The following ASTN2 variants were observed in gnomAD, a reference collection of about 807,000 sequenced individuals.
The protein encoded by ASTN2 is astrotactin 2.
ASTN2 carries 54 observed loss-of-function variants against 139.8 expected under a neutral mutation model. That is an observed-to-expected ratio of 0.39 (90% CI 0.31 to 0.48). ASTN2 has a LOEUF of 0.48. ASTN2 is among the 20% of genes least tolerant of loss of function. The probability of loss-of-function intolerance (pLI) is 0.95; values close to 1 mark genes in which losing one functional copy is unlikely to be tolerated. For missense variants in ASTN2, 1,565 were observed against 1,725.1 expected, an observed-to-expected ratio of 0.91 and a Z score of 1.64; for synonymous variants, 756 against 719.5, an observed-to-expected ratio of 1.05 and a Z score of -0.81.
In ASTN2 at chr9:116,632,185, G is replaced by GGAGA. The variant is rs1554723278; in HGVS notation, c.3073-11746_3073-11743dup. The stretch of plus-strand genomic sequence containing the variant: ...GAGAGAGAGAGAGAGAGAGAGAGAG[G>GGAGA]GAGAGAGAGAGAAAGAAAGAAAAGA... On this transcript the variant is annotated intron_variant, in intron 17 of 22. Transcript: ENST00000313400. Among the ~76,000 whole-genome samples the GGAGA allele has an allele frequency of 5.1e-4, 25 of 48,696 alleles. 1 individual carries two copies. The highest frequency in any genetic ancestry group is 1.1e-3 in the Admixed American group (5 of 4,374). 31.9% of individuals were successfully genotyped at this position (48,696 alleles called of 152,430 possible). A position where few individuals can be genotyped will look rare whatever the true frequency, so the allele number is the denominator to read the frequency against.
chr9:116,425,824 T>C lies in ASTN2; in HGVS notation c.*27A>G. On this transcript the variant is annotated 3_prime_UTR_variant, in exon 23 of 23. Coordinates refer to ENST00000313400, the MANE Select transcript of ASTN2 (RefSeq NM_001365068.1). ...TGCTCCCCCTCCCATGGAGAGTCTCTGTGCTCACGGAGGGCAATACCCTCC... is the reference window on the plus strand; with the variant it reads ...TGCTCCCCCTCCCATGGAGAGTCTCCGTGCTCACGGAGGGCAATACCCTCC... The C allele has an allele frequency of 1.2e-6, 2 of 1,612,808 alleles. No individual in the cohort carries two copies. Among genetic ancestry groups the C allele is most frequent in the East Asian group, 4.5e-5 (2 of 44,770 alleles).
chr9:116,824,327 G>A (rs1411550888), intron 11 of ASTN2, among the ~76,000 whole-genome samples: 1 of 152,178 alleles, frequency 6.6e-6, no homozygotes, highest in Non-Finnish European at 1.5e-5. Context: ...GGCAGAAGAG[G>A]AGGTATGTGG....
chr9:117,093,049 A>G (rs1327127031), intron 5 of ASTN2, among the ~76,000 whole-genome samples: 1 of 152,216 alleles, frequency 6.6e-6, no homozygotes, highest in African/African-American at 2.4e-5. Flanking sequence ...GTATATCCCA[A>G]TAACAGGAGA....
intron 1 of ASTN2, among the ~76,000 whole-genome samples, chr9:117,302,361 G>A (rs1587928268): frequency 6.6e-6 from 1 of 152,118 alleles, no homozygotes; most frequent in East Asian, 1.9e-4. Context: ...GTAGCAACTT[G>A]CCTTAAATCA....
intron 14 of ASTN2, among the ~76,000 whole-genome samples, chr9:116,729,741 T>C (rs1183383925): frequency 6.6e-6 from 1 of 152,244 alleles, no homozygotes; most frequent in Admixed American, 6.5e-5. Flanking sequence ...ATGTAAAATA[T>C]ACGTATACAG....
chr9:116,650,015 C>T (rs1857821123), intron 17 of ASTN2, among the ~76,000 whole-genome samples: 1 of 152,186 alleles, frequency 6.6e-6, no homozygotes, highest in Non-Finnish European at 1.5e-5. Context: ...TTCTCCCATG[C>T]CTTCTCTTTC....
chr9:117,127,113 A>C (rs2132827501), intron 4 of ASTN2, among the ~76,000 whole-genome samples: 1 of 152,338 alleles, frequency 6.6e-6, no homozygotes, highest in Admixed American at 6.5e-5. Flanking sequence ...TCTAAGAATG[A>C]GGCCAAAGAG....
intron 10 of ASTN2, among the ~76,000 whole-genome samples, chr9:116,925,503 G>A (rs1338936595): frequency 6.6e-6 from 1 of 152,162 alleles, no homozygotes; most frequent in African/African-American, 2.4e-5. Flanking sequence ...GTGCCTGGAA[G>A]GACATGCAGA....
chr9:116,792,112 C>A (rs945688088), intron 13 of ASTN2, among the ~76,000 whole-genome samples: 1 of 151,966 alleles, frequency 6.6e-6, no homozygotes, highest in Non-Finnish European at 1.5e-5. Context: ...ACCATAAATA[C>A]GGGGAAAGAT....
chr9:116,425,199 C>G lies in ASTN2; in HGVS notation c.*652G>C. 1.5e-5 allele frequency: 4 copies of G among 262,840 alleles called. 1 individual carries two copies. In the South Asian group the frequency reaches 2.2e-4, roughly 14 times the overall value. 16.3% of individuals were successfully genotyped at this position (262,840 alleles called of 1,614,324 possible). A position where few individuals can be genotyped will look rare whatever the true frequency, so the allele number is the denominator to read the frequency against. ...AACAGAGGTCTCTCAAGCACATTCCCTTGGTAAGAAATACCACCCAAGCAG... is the reference window on the plus strand; with the variant it reads ...AACAGAGGTCTCTCAAGCACATTCCGTTGGTAAGAAATACCACCCAAGCAG... On this transcript the variant is annotated 3_prime_UTR_variant, in exon 23 of 23. Coordinates refer to ENST00000313400, the MANE Select transcript of ASTN2 (RefSeq NM_001365068.1).
intron 14 of ASTN2, among the ~76,000 whole-genome samples, chr9:116,732,145 G>A (rs147874101): frequency 0.014 from 2,057 of 152,294 alleles, 14 homozygotes; most frequent in South Asian, 0.036. Context: ...GTAAGATAGT[G>A]GATATGCCAT....
intron 2 of ASTN2, among the ~76,000 whole-genome samples, chr9:117,218,112 C>T (rs998597011): frequency 6.6e-6 from 1 of 152,222 alleles, no homozygotes; most frequent in Non-Finnish European, 1.5e-5. Flanking sequence ...TCACTTCTGC[C>T]TTATCAAGTT....
At chr9:116,636,263 A>G (rs1033934258) in intron 17 of ASTN2, among the ~76,000 whole-genome samples, 2 of 152,330 alleles carry the variant, frequency 1.3e-5, no homozygotes, top group Middle Eastern at 3.4e-3. Context: ...GTGACCCAGG[A>G]TAAGTCTAAA....
chr9:116,620,155 C>G (rs1037503746), intron 18 of ASTN2, among the ~76,000 whole-genome samples, 155 bp downstream of exon 18: 2 of 152,122 alleles, frequency 1.3e-5, no homozygotes, highest in Non-Finnish European at 2.9e-5. Context: ...TGCCAAAGCT[C>G]CCTTCTTTCC....
At chr9:117,257,500 C>G (rs1297824252) in intron 2 of ASTN2, among the ~76,000 whole-genome samples, 1 of 152,212 alleles carries the variant, frequency 6.6e-6, no homozygotes. Context: ...TAGAGCCATG[C>G]AAGCTGAAGC....
At chr9:116,638,115 ATTTC>A (rs535638390) in intron 17 of ASTN2, among the ~76,000 whole-genome samples, 184 of 152,290 alleles carry the variant, frequency 1.2e-3, no homozygotes, top group African/African-American at 4.2e-3. Context: ...AAACCCTTCT[ATTTC>A]TTTCTTCTCG....
At chr9:117,186,468 G>A (rs1053160140) in intron 3 of ASTN2, among the ~76,000 whole-genome samples, 7 of 151,962 alleles carry the variant, frequency 4.6e-5, no homozygotes, top group Admixed American at 4.6e-4. Flanking sequence ...AATGGTGCGG[G>A]CCTGGGAGGC....
intron 5 of ASTN2, among the ~76,000 whole-genome samples, chr9:117,083,891 C>T (rs978234199): frequency 3.3e-5 from 5 of 152,038 alleles, no homozygotes; most frequent in African/African-American, 1.2e-4. Context: ...ACAATTTAAA[C>T]AATATTTCAG....
intron 11 of ASTN2, among the ~76,000 whole-genome samples, chr9:116,821,926 G>A (rs991017715): frequency 3.3e-5 from 5 of 152,018 alleles, no homozygotes; most frequent in African/African-American, 4.8e-5. Context: ...CCAGCTGATG[G>A]AGAAGTAGTT....
Sources: gnomAD v4.1 joint callset for allele counts (sites outside exome capture counted in the v4.1 genomes callset) on GRCh38, gnomAD v4.1.1 for gene constraint, MANE v1.5 for transcripts, NCBI Gene and HGNC (gene_info 2026-07-23, HGNC 2026-07-21) for gene names.